TENT4A: variants seen among roughly 807,000 people sequenced by gnomAD.
TENT4A encodes the protein terminal nucleotidyltransferase 4A, also known as DNA polymerase kappa.
Under a neutral mutation model 72.8 loss-of-function variants are expected in TENT4A, and 7 were observed. That is an observed-to-expected ratio of 0.10 (90% CI 0.05 to 0.18). The LOEUF (loss-of-function observed/expected upper bound fraction) is 0.18. Among genes scored for constraint, TENT4A ranks in the 10% least tolerant of loss-of-function variants. TENT4A has a pLI of 1.00. For missense variants in TENT4A, 831 were observed against 1,017.7 expected, an observed-to-expected ratio of 0.82 and a Z score of 2.50; for synonymous variants, 456 against 434.3, an observed-to-expected ratio of 1.05 and a Z score of -0.62.
At chr5:6,715,898 C>G (rs1323763112) in intron 1 of TENT4A, among the ~76,000 whole-genome samples, 1 of 152,216 alleles carries the variant, frequency 6.6e-6, no homozygotes, top group Non-Finnish European at 1.5e-5. Flanking sequence ...CCTCTTCTCT[C>G]CCTCCAGTTC....
intron 1 of TENT4A, among the ~76,000 whole-genome samples, chr5:6,727,901 C>A (rs771095719): frequency 6.6e-6 from 1 of 152,148 alleles, no homozygotes; most frequent in African/African-American, 2.4e-5. Context: ...AGCTGCAGAC[C>A]ACGAATCCCA....
chr5:6,736,599 C>T (rs1007206577), intron 1 of TENT4A, among the ~76,000 whole-genome samples: 6 of 152,236 alleles, frequency 3.9e-5, no homozygotes, highest in African/African-American at 1.4e-4. Context: ...AAGAGGACGA[C>T]AGCACTTTTC....
At chr5:6,720,210 C>G (rs1305471283) in intron 1 of TENT4A, among the ~76,000 whole-genome samples, 5 of 152,156 alleles carry the variant, frequency 3.3e-5, no homozygotes, top group Non-Finnish European at 7.3e-5. Flanking sequence ...TGCAGATAAC[C>G]TGCCTACCTG....
chr5:6,716,147 T>G (rs1285942721), intron 1 of TENT4A, among the ~76,000 whole-genome samples: 1 of 152,178 alleles, frequency 6.6e-6, no homozygotes, highest in African/African-American at 2.4e-5. Context: ...TGCACCTCAC[T>G]TGGGCTCCCC....
At position 6,714,654 on chromosome 5, in the gene TENT4A, C is replaced by T; in HGVS notation, c.671C>T (p.Pro224Leu). Reference sequence around the variant, plus strand: ...GGCCCCGGGGCCCAGGCGCCGCGGCCCGGCACCCCGTGGAAGAGCCGCGCG... The same window carrying T: ...GGCCCCGGGGCCCAGGCGCCGCGGCTCGGCACCCCGTGGAAGAGCCGCGCG... ...GGGPGAQAPR[P>L]GTPWKSRAYS... The change falls in exon 1 of 13, where the codon CCC becomes CTC. Residue 224 changes from proline (P) to leucine (L), a missense_variant. Physicochemically the swap from Pro to Leu is moderately conservative, Grantham distance 98. Coordinates refer to ENST00000230859, the MANE Select transcript of TENT4A (RefSeq NM_006999.6). 1 of 1,198,890 alleles carries T rather than the reference C, an allele frequency of 8.3e-7. No individual in the cohort carries two copies. Among genetic ancestry groups the T allele is most frequent in the Non-Finnish European group, 1.0e-6 (1 of 966,752 alleles). 74.3% of individuals were successfully genotyped at this position (1,198,890 alleles called of 1,614,324 possible).
intron 1 of TENT4A, among the ~76,000 whole-genome samples, chr5:6,724,608 C>G (rs769394518): frequency 1.3e-5 from 2 of 152,036 alleles, no homozygotes; most frequent in African/African-American, 2.4e-5. Context: ...GGGAACTATT[C>G]AGGGAGATGA....
chr5:6,743,346 C>T (rs549418752), intron 5 of TENT4A, among the ~76,000 whole-genome samples: 37 of 152,302 alleles, frequency 2.4e-4, no homozygotes, highest in African/African-American at 8.2e-4. Flanking sequence ...TTGCCAGCCT[C>T]ACTCTGCTCT....
At chr5:6,720,719 T>TAAATAAAA (rs1554006414) in intron 1 of TENT4A, among the ~76,000 whole-genome samples, 3 of 138,536 alleles carry the variant, frequency 2.2e-5, no homozygotes, top group Admixed American at 7.3e-5. Context: ...AATAAATAAA[T>TAAATAAAA]AAAAGTTTGC....
At position 6,755,045 on chromosome 5, in the gene TENT4A, G is replaced by A. The variant is rs1419563658; in HGVS notation, c.*100G>A. The A allele has an allele frequency of 1.9e-5, 21 of 1,091,972 alleles. No homozygotes were observed. The highest frequency in any genetic ancestry group is 2.3e-5 in the Non-Finnish European group (18 of 796,398). The allele number at this position is 1,091,972 out of a possible 1,614,324, so 67.6% of individuals were successfully genotyped here. A position where few individuals can be genotyped will look rare whatever the true frequency, so the allele number is the denominator to read the frequency against. ...GAGACCAGCACCCCGCACGTCAGCCGGGCTCGCGGCACGCCCGCCGCTGAT... is the reference window on the plus strand; with the variant it reads ...GAGACCAGCACCCCGCACGTCAGCCAGGCTCGCGGCACGCCCGCCGCTGAT... On this transcript the variant is annotated 3_prime_UTR_variant, in exon 13 of 13. Coordinates refer to ENST00000230859, the MANE Select transcript of TENT4A (RefSeq NM_006999.6).
chr5:6,725,883 T>C (rs1342196800), intron 1 of TENT4A, among the ~76,000 whole-genome samples: 1 of 152,200 alleles, frequency 6.6e-6, no homozygotes, highest in African/African-American at 2.4e-5. Context: ...GGGAAAGGTG[T>C]CCAACTTCAG....
Position 6,754,737 on chromosome 5 carries a change from C to G in TENT4A, c.2185-14C>G, listed in dbSNP as rs760732011. The stretch of plus-strand genomic sequence containing the variant: ...CTGTCTGGCTCCAACACTGCTGTCT[C>G]TCTCTTTCTCCAGCAGCACAACGGC... On this transcript the variant is annotated splice_polypyrimidine_tract_variant and intron_variant, in intron 12 of 12. Coordinates refer to ENST00000230859, the MANE Select transcript of TENT4A (RefSeq NM_006999.6). 5.1e-6 allele frequency: 8 copies of G among 1,559,166 alleles called. No individual in the cohort carries two copies. The Admixed American group carries it at 7.0e-5, about 14-fold the overall frequency.
At chr5:6,732,470 A>G (rs976314050) in intron 1 of TENT4A, among the ~76,000 whole-genome samples, 2 of 152,236 alleles carry the variant, frequency 1.3e-5, no homozygotes, top group Admixed American at 1.3e-4. Context: ...ACATACAGCA[A>G]GCATATACCA....
chr5:6,733,527 T>A (rs1251705433), intron 1 of TENT4A, among the ~76,000 whole-genome samples: 1 of 152,262 alleles, frequency 6.6e-6, no homozygotes, highest in East Asian at 1.9e-4. Flanking sequence ...GAACTGAAAT[T>A]GAGCTTTAAA....
At chr5:6,747,708 G>A (rs965503351) in intron 7 of TENT4A, among the ~76,000 whole-genome samples, 3 of 152,176 alleles carry the variant, frequency 2.0e-5, no homozygotes, top group African/African-American at 7.2e-5. Context: ...CCACATAATC[G>A]TTGAGTTATA....
At chr5:6,743,263 A>C (rs1579486229) in intron 5 of TENT4A, among the ~76,000 whole-genome samples, 1 of 151,702 alleles carries the variant, frequency 6.6e-6, no homozygotes, top group African/African-American at 2.4e-5. Flanking sequence ...GAGCATGTCC[A>C]CCCCAAGCGC....
rs1479891485 is a variant in TENT4A, at chr5:6,738,873, A to G, written c.887+144A>G. Reference sequence around the variant, plus strand: ...GAAAAGACTGTGGTTACAGAGGGAAATTGGCAGAAAGATTTAATTTAGTGT... The same window carrying G: ...GAAAAGACTGTGGTTACAGAGGGAAGTTGGCAGAAAGATTTAATTTAGTGT... On this transcript the variant is annotated intron_variant, in intron 3 of 12. Coordinates refer to ENST00000230859, the MANE Select transcript of TENT4A (RefSeq NM_006999.6). The G allele has an allele frequency of 4.4e-6, 3 of 683,864 alleles. 1 individual carries two copies. The East Asian group carries it at 7.6e-5, about 17-fold the overall frequency. 42.4% of individuals were successfully genotyped at this position (683,864 alleles called of 1,614,324 possible).
chr5:6,740,008 A>G (rs1741714858), intron 4 of TENT4A, among the ~76,000 whole-genome samples, 156 bp downstream of exon 4: 1 of 152,182 alleles, frequency 6.6e-6, no homozygotes, highest in Admixed American at 6.5e-5. Context: ...CATGTGTTTT[A>G]TGTTTTTGTT....
At chr5:6,721,904 TTC>T (rs1260733595) in intron 1 of TENT4A, among the ~76,000 whole-genome samples, 1 of 152,234 alleles carries the variant, frequency 6.6e-6, no homozygotes, top group Non-Finnish European at 1.5e-5. Context: ...GTTAGGTGAT[TTC>T]TGTCTTTCCG....
At chr5:6,732,736 A>T (rs777769013) in intron 1 of TENT4A, among the ~76,000 whole-genome samples, 18 of 151,978 alleles carry the variant, frequency 1.2e-4, no homozygotes, top group Admixed American at 2.0e-4. Context: ...AAAATTCACT[A>T]AAAAAAACCT....
Sources: allele counts gnomAD v4.1 joint callset (sites outside exome capture counted in the v4.1 genomes callset), GRCh38; gene constraint gnomAD v4.1.1; transcripts MANE v1.5; gene names NCBI Gene and HGNC (gene_info 2026-07-23, HGNC 2026-07-21).